SYT2: variants seen among roughly 807,000 people sequenced by gnomAD.
SYT2 encodes synaptotagmin 2, also known as synaptotagmin-2.
A neutral mutation model predicts 39.9 loss-of-function variants in SYT2; 15 were observed. The observed-to-expected ratio is 0.38, with a 90% CI of 0.25 to 0.58. SYT2 has a LOEUF of 0.58. Among genes scored for constraint, SYT2 ranks in the 20% least tolerant of loss-of-function variants. The pLI is 0.70. For missense variants in SYT2, 389 were observed against 530.3 expected (o/e 0.73, Z 2.62); for synonymous variants, 181 against 204.5 (o/e 0.89, Z 0.98).
At chr1:202,616,429 A>G (rs1300247007) in intron 1 of SYT2, among the ~76,000 whole-genome samples, 1 of 151,980 alleles carries the variant, frequency 6.6e-6, no homozygotes, top group African/African-American at 2.4e-5. Context: ...CCCACCAAAA[A>G]TGAGCCCCAC....
At chr1:202,676,906 A>T (rs543181144) in intron 1 of SYT2, among the ~76,000 whole-genome samples, 1 of 152,314 alleles carries the variant, frequency 6.6e-6, no homozygotes, top group Admixed American at 6.5e-5. Flanking sequence ...GCCTGGTGGG[A>T]GGTGACTGAA....
chr1:202,700,946 G>C (rs1238587452), intron 1 of SYT2, among the ~76,000 whole-genome samples: 1 of 152,144 alleles, frequency 6.6e-6, no homozygotes, highest in East Asian at 1.9e-4. Flanking sequence ...CCTTGCACTT[G>C]GAATGCTTGT....
In SYT2 at chr1:202,619,554, C is replaced by T. The variant is rs575298307; in HGVS notation, c.-17-13765G>A. On this transcript the variant is annotated intron_variant, in intron 1 of 8. Transcript: ENST00000367268. ...ATTTGTTAAAATGCAGACCCTCTGC[C>T]ATTGCACCCTGTCTCCCAGAGCCTA... 1.2e-3 allele frequency among the ~76,000 whole-genome samples: 182 copies of T among 152,332 alleles called. 2 individuals carry two copies. Among genetic ancestry groups the T allele is most frequent in the African/African-American group, 4.3e-3 (177 of 41,566 alleles).
In SYT2 at chr1:202,693,740, A is replaced by G. The variant is rs1207411041; in HGVS notation, c.-18+16518T>C. On this transcript the variant is annotated intron_variant, in intron 1 of 8. Coordinates refer to ENST00000367268, the MANE Select transcript of SYT2 (RefSeq NM_177402.5). ...GTATCAAAAAAAAGATGCACTGTCC[A>G]TTCCTCCTCTTGTTGCTGAGATTGT... 1.3e-5 allele frequency among the ~76,000 whole-genome samples: 2 copies of G among 152,218 alleles called. 1 individual carries two copies. The highest frequency in any genetic ancestry group is 2.9e-5 in the Non-Finnish European group (2 of 68,036).
intron 1 of SYT2, among the ~76,000 whole-genome samples, chr1:202,666,756 C>T (rs558228041): frequency 3.3e-5 from 5 of 152,268 alleles, no homozygotes; most frequent in East Asian, 3.9e-4. Context: ...CCAAGATGGG[C>T]GGATCACCTG....
At chr1:202,695,240 C>T (rs568398542) in intron 1 of SYT2, among the ~76,000 whole-genome samples, 122 of 152,252 alleles carry the variant, frequency 8.0e-4, no homozygotes, top group African/African-American at 2.8e-3. Context: ...CACAGGGAGA[C>T]CTGTGACCCC....
At chr1:202,618,416 T>TGTGTGTGTGCGC (rs1553336812) in intron 1 of SYT2, among the ~76,000 whole-genome samples, 9 of 151,890 alleles carry the variant, frequency 5.9e-5, no homozygotes, top group East Asian at 5.8e-4. Flanking sequence ...TGTGTGTGTG[T>TGTGTGTGTGCGC]GTGTGTGTGT....
Position 202,592,694 on chromosome 1 carries a change from T to G in SYT2, c.*4063A>C, listed in dbSNP as rs993164086. On this transcript the variant is annotated 3_prime_UTR_variant, in exon 9 of 9. Coordinates refer to ENST00000367268, the MANE Select transcript of SYT2 (RefSeq NM_177402.5). Reference sequence around the variant, plus strand: ...TGCTTAAAAAATAAAGTAATTCATGTGTCTTCAAGTCACAGTGTCCCCTTC... The same window carrying G: ...TGCTTAAAAAATAAAGTAATTCATGGGTCTTCAAGTCACAGTGTCCCCTTC... 2.0e-5 allele frequency: 3 copies of G among 152,210 alleles called. No individual in the cohort carries two copies. The highest frequency in any genetic ancestry group is 6.5e-5 in the Admixed American group (1 of 15,276). The allele number at this position is 152,210 out of a possible 1,614,324, so 9.4% of individuals were successfully genotyped here.
At chr1:202,627,851 AGAC>A (rs1691463081) in intron 1 of SYT2, among the ~76,000 whole-genome samples, 1 of 152,218 alleles carries the variant, frequency 6.6e-6, no homozygotes, top group African/African-American at 2.4e-5. Context: ...GCTCACAGGG[AGAC>A]GACAGAGCTC....
At chr1:202,707,039 T>C (rs1335830663) in intron 1 of SYT2, among the ~76,000 whole-genome samples, 2 of 152,242 alleles carry the variant, frequency 1.3e-5, no homozygotes, top group African/African-American at 4.8e-5. Flanking sequence ...ATTATCTAAT[T>C]GTGTGGTATT....
At chr1:202,670,308 C>T (rs1023827824) in intron 1 of SYT2, among the ~76,000 whole-genome samples, 2 of 152,188 alleles carry the variant, frequency 1.3e-5, no homozygotes, top group East Asian at 1.9e-4. Context: ...GCCAAGACAG[C>T]ATGGGATTGC....
intron 1 of SYT2, among the ~76,000 whole-genome samples, chr1:202,672,573 C>T (rs962640523): frequency 6.0e-5 from 9 of 150,430 alleles, no homozygotes; most frequent in Middle Eastern, 6.8e-3. Context: ...CATACAATAA[C>T]TGAAAATACA....
intron 1 of SYT2, among the ~76,000 whole-genome samples, chr1:202,661,584 T>G (rs1692382041): frequency 6.6e-6 from 1 of 152,164 alleles, no homozygotes; most frequent in African/African-American, 2.4e-5. Context: ...TCACACAGCC[T>G]GGCAGGGGGA....
intron 1 of SYT2, among the ~76,000 whole-genome samples, chr1:202,694,445 A>T (rs1284400176): frequency 6.6e-6 from 1 of 152,200 alleles, no homozygotes; most frequent in East Asian, 1.9e-4. Flanking sequence ...CTGTTTTAGT[A>T]GGCGATGCAC....
At chr1:202,683,044 G>T (rs1018902237) in intron 1 of SYT2, among the ~76,000 whole-genome samples, 2 of 152,198 alleles carry the variant, frequency 1.3e-5, no homozygotes, top group African/African-American at 4.8e-5. Context: ...AAATGGAAGA[G>T]AGATGCCATG....
intron 1 of SYT2, among the ~76,000 whole-genome samples, chr1:202,708,565 G>A (rs1427555172): frequency 1.3e-5 from 2 of 152,028 alleles, no homozygotes; most frequent in Non-Finnish European, 2.9e-5. Context: ...GGGTTCAGTG[G>A]GCACTGGCCA....
intron 1 of SYT2, among the ~76,000 whole-genome samples, chr1:202,607,472 T>C (rs1690745782): frequency 6.6e-6 from 1 of 152,210 alleles, no homozygotes; most frequent in Non-Finnish European, 1.5e-5. Context: ...CACTGCACGT[T>C]AGGTATGAGT....
chr1:202,693,042 T>C (rs953288568), intron 1 of SYT2, among the ~76,000 whole-genome samples: 1 of 152,214 alleles, frequency 6.6e-6, no homozygotes, highest in African/African-American at 2.4e-5. Context: ...TTTGGTTACA[T>C]GAATAAGTTC....
At chr1:202,622,738 G>A (rs916880370) in intron 1 of SYT2, among the ~76,000 whole-genome samples, 2 of 152,162 alleles carry the variant, frequency 1.3e-5, no homozygotes, top group African/African-American at 4.8e-5. Context: ...AGTTTCCTGA[G>A]TGAGGCTCTG....
Sources: gnomAD v4.1 joint callset for allele counts (sites outside exome capture counted in the v4.1 genomes callset) on GRCh38, gnomAD v4.1.1 for gene constraint, MANE v1.5 for transcripts, NCBI Gene and HGNC (gene_info 2026-07-23, HGNC 2026-07-21) for gene names.